CHL1: variants seen among roughly 807,000 people sequenced by gnomAD.
CHL1 encodes cell adhesion molecule L1 like, also known as neural cell adhesion molecule L1-like protein.
In CHL1, 96 loss-of-function variants were observed where a neutral mutation model predicts 141.9. The observed-to-expected ratio is 0.68, with a 90% CI of 0.57 to 0.80. The LOEUF (loss-of-function observed/expected upper bound fraction) is 0.80. Ranked by LOEUF, CHL1 falls within the 30% of genes least tolerant of loss-of-function variation. CHL1 has a pLI of 0.00. For missense variants in CHL1, 1,820 were observed against 1,457.2 expected, an observed-to-expected ratio of 1.25 and a Z score of -4.05; for synonymous variants, 613 against 502.2, an observed-to-expected ratio of 1.22 and a Z score of -2.95.
At chr3:238,494 A>T (rs1276236763) in intron 1 of CHL1, among the ~76,000 whole-genome samples, 2 of 152,190 alleles carry the variant, frequency 1.3e-5, no homozygotes, top group Non-Finnish European at 2.9e-5. Context: ...TTTTGTCAAC[A>T]TATGTGTATT....
intron 16 of CHL1, among the ~76,000 whole-genome samples, chr3:381,707 G>A (rs557819484): frequency 6.6e-6 from 1 of 152,164 alleles, no homozygotes; most frequent in East Asian, 1.9e-4. Flanking sequence ...TATTAGCTCT[G>A]GCTCATGGAT....
intron 1 of CHL1, among the ~76,000 whole-genome samples, chr3:206,456 A>T (rs1699457372): frequency 6.6e-6 from 1 of 151,956 alleles, no homozygotes; most frequent in South Asian, 2.1e-4. Context: ...ACAGAGCGAG[A>T]CTGTCTTAAA....
intron 3 of CHL1, among the ~76,000 whole-genome samples, 162 bp downstream of exon 3, chr3:320,029 G>A (rs560618885): frequency 3.3e-5 from 5 of 151,920 alleles, no homozygotes; most frequent in African/African-American, 1.2e-4. Flanking sequence ...TCGTTTTGTG[G>A]GTGGCTGATA....
At chr3:248,231 A>G (rs948801565) in intron 2 of CHL1, 1 of 152,098 alleles carries the variant, frequency 6.6e-6, no homozygotes, top group African/African-American at 2.4e-5. Flanking sequence ...CAAATCAAGT[A>G]CACAAATAAA....
chr3:221,254 A>C (rs527772424), intron 1 of CHL1, among the ~76,000 whole-genome samples: 1 of 152,350 alleles, frequency 6.6e-6, no homozygotes, highest in African/African-American at 2.4e-5. Flanking sequence ...GTCATGGGCC[A>C]TGGTCACTCG....
chr3:248,241 AT>A (rs1693357441), intron 2 of CHL1: 1 of 152,122 alleles, frequency 6.6e-6, no homozygotes, highest in Non-Finnish European at 1.5e-5. Flanking sequence ...ACACAAATAA[AT>A]TTGATTTCCA....
At chr3:291,063 T>C (rs1697648299) in intron 2 of CHL1, among the ~76,000 whole-genome samples, 1 of 152,148 alleles carries the variant, frequency 6.6e-6, no homozygotes, top group South Asian at 2.1e-4. Context: ...AATAATATTG[T>C]ATAGTTCAAA....
intron 2 of CHL1, among the ~76,000 whole-genome samples, chr3:298,666 C>T (rs994874956): frequency 6.6e-6 from 1 of 152,122 alleles, no homozygotes; most frequent in Non-Finnish European, 1.5e-5. Context: ...AGTCAAATCT[C>T]ATGTTTAATA....
intron 9 of CHL1, among the ~76,000 whole-genome samples, chr3:348,085 G>A (rs549327991): frequency 6.4e-4 from 98 of 152,244 alleles, no homozygotes; most frequent in Middle Eastern, 3.4e-3. Context: ...TAACTAATGG[G>A]CAATTTGACA....
At chr3:319,936 C>T (rs917312231) in intron 3 of CHL1, 69 bp downstream of exon 3, 14 of 844,706 alleles carry the variant, frequency 1.7e-5, no homozygotes, top group Non-Finnish European at 2.3e-5. Flanking sequence ...AAGTAGAATA[C>T]TTATGGATTG....
chr3:310,546 C>T (rs1699669972), intron 2 of CHL1, among the ~76,000 whole-genome samples: 1 of 151,890 alleles, frequency 6.6e-6, no homozygotes. Context: ...TTATTGCTTC[C>T]TCTCACATAT....
Position 390,747 on chromosome 3 carries a change from T to A in CHL1, c.2517T>A (p.Ser839Arg). ...TCCATGGGGTGGACGTTATAAACAG[T>A]ACATTAGTTAAAGTTACCTGGTCAA... Reference protein sequence around the residue: ...PVIHGVDVINSTLVKVTWSTV... With the variant: ...PVIHGVDVINRTLVKVTWSTV... Residue 839 changes from serine (S) to arginine (R), a missense_variant, in exon 21 of 28, where the codon AGT becomes AGA. Ser to Arg is a moderately radical substitution (Grantham distance 110). Coordinates refer to ENST00000256509, the MANE Select transcript of CHL1 (RefSeq NM_006614.4). 6.2e-7 allele frequency: 1 copy of A among 1,611,658 alleles called. No homozygotes were observed. Among genetic ancestry groups the A allele is most frequent in the Non-Finnish European group, 8.5e-7 (1 of 1,177,772 alleles).
intron 2 of CHL1, among the ~76,000 whole-genome samples, chr3:277,706 A>T (rs1696274168): frequency 6.6e-6 from 1 of 152,198 alleles, no homozygotes; most frequent in Non-Finnish European, 1.5e-5. Flanking sequence ...TTTATTTCTA[A>T]GTGTTACATT....
At chr3:310,274 T>C (rs1307634774) in intron 2 of CHL1, among the ~76,000 whole-genome samples, 2 of 151,998 alleles carry the variant, frequency 1.3e-5, no homozygotes, top group Admixed American at 1.3e-4. Flanking sequence ...CTATAATTTT[T>C]TTTTTAATTA....
intron 2 of CHL1, among the ~76,000 whole-genome samples, chr3:280,975 G>A (rs1040811577): frequency 2.0e-5 from 3 of 151,794 alleles, no homozygotes; most frequent in African/African-American, 7.3e-5. Flanking sequence ...TCTAATTAAT[G>A]ATATCACATT....
chr3:319,582 C>G (rs1200874378), intron 2 of CHL1, 101 bp from the exon 3 acceptor site: 5 of 488,370 alleles, frequency 1.0e-5, no homozygotes, highest in East Asian at 3.4e-5. Context: ...AGGAAACATA[C>G]TGCCAAACCA....
At chr3:232,071 C>A (rs185379305) in intron 1 of CHL1, among the ~76,000 whole-genome samples, 7 of 152,262 alleles carry the variant, frequency 4.6e-5, no homozygotes, top group Admixed American at 2.6e-4. Flanking sequence ...CAAGTCATGG[C>A]AACAACTGAT....
In CHL1 at chr3:341,942, T is replaced by A; in HGVS notation, c.539T>A (p.Val180Glu). 6.2e-7 allele frequency: 1 copy of A among 1,611,990 alleles called. No homozygotes were observed. The highest frequency in any genetic ancestry group is 2.2e-5 in the East Asian group (1 of 44,816). Residue 180 changes from valine (V) to glutamate (E), a missense_variant, in exon 7 of 28, where the codon GTA becomes GAA. Transcript: ENST00000256509. The stretch of plus-strand genomic sequence containing the variant: ...GAACACATCGAACAAGATGAAAGAG[T>A]ATACATGAGCCAAAAGGGAGATCTA... The part of the protein sequence containing the change: ...ELEHIEQDER[V>E]YMSQKGDLYF...
chr3:358,343 G>A (rs1005707592), intron 11 of CHL1, among the ~76,000 whole-genome samples: 1 of 152,114 alleles, frequency 6.6e-6, no homozygotes, highest in Non-Finnish European at 1.5e-5. Context: ...CCATAGCCAA[G>A]GAGGGCCTTC....
Sources: allele counts gnomAD v4.1 joint callset (sites outside exome capture counted in the v4.1 genomes callset), GRCh38; gene constraint gnomAD v4.1.1; transcripts MANE v1.5; gene names NCBI Gene and HGNC (gene_info 2026-07-23, HGNC 2026-07-21).